The following CENPF variants were observed in gnomAD, a reference collection of about 807,000 sequenced individuals.
CENPF encodes AH antigen.
CENPF carries 214 observed loss-of-function variants against 307.3 expected under a neutral mutation model. That is an observed-to-expected ratio of 0.70 (90% CI 0.62 to 0.78). CENPF has a LOEUF of 0.78. Ranked by LOEUF, CENPF falls within the 30% of genes least tolerant of loss-of-function variation. The pLI is 0.00. For missense variants in CENPF, 3,401 were observed against 3,483.9 expected (o/e 0.98, Z 0.60); for synonymous variants, 1,259 against 1,270.6 (o/e 0.99, Z 0.19).
intron 7 of CENPF, among the ~76,000 whole-genome samples, chr1:214,626,008 C>T (rs554859254): frequency 2.0e-5 from 3 of 152,012 alleles, no homozygotes; most frequent in African/African-American, 4.8e-5. Context: ...TTTATATATA[C>T]GTGTGTGTGT....
At chr1:214,650,117 A>G (rs1257171159) in intron 14 of CENPF, among the ~76,000 whole-genome samples, 1 of 152,140 alleles carries the variant, frequency 6.6e-6, no homozygotes, top group Non-Finnish European at 1.5e-5. Context: ...CCTAATTTAG[A>G]TAGGGTGGTC....
chr1:214,622,593 A>C (rs565075771), intron 7 of CENPF, among the ~76,000 whole-genome samples: 14 of 152,304 alleles, frequency 9.2e-5, no homozygotes, highest in Non-Finnish European at 1.6e-4. Context: ...TAAAATAGGC[A>C]CTTAATGGCA....
At chr1:214,608,349 G>T in intron 1 of CENPF, 1 of 1,610,446 alleles carries the variant, frequency 6.2e-7, no homozygotes, top group Non-Finnish European at 8.5e-7. Context: ...CGTCGATGTC[G>T]GCATAGAGGT....
At chr1:214,632,802 C>T (rs1021009941) in intron 10 of CENPF, among the ~76,000 whole-genome samples, 200 bp downstream of exon 10, 2 of 152,124 alleles carry the variant, frequency 1.3e-5, no homozygotes, top group Admixed American at 6.6e-5. Context: ...ACTCTCTATT[C>T]TGTATATAAT....
Position 214,641,936 on chromosome 1 carries a change from G to A in CENPF, c.3598G>A (p.Glu1200Lys). The A allele has an allele frequency of 1.3e-6, 2 of 1,588,312 alleles. No individual in the cohort carries two copies. Among genetic ancestry groups the A allele is most frequent in the African/African-American group, 2.7e-5 (2 of 73,280 alleles). The change falls in exon 12 of 20, where the codon GAA becomes AAA. Residue 1200 changes from glutamate to lysine, a missense_variant. Transcript: ENST00000366955. ...FKPQMDLEVK[E>K]ISLDSYNAQL... is the part of the protein sequence containing the mutation. ...ACCTCAGATGGATCTTGAAGTTAAA[G>A]AAATTTCTCTAGATAGTTATAATGC...
In CENPF at chr1:214,641,745, A is replaced by G. The variant is rs1222691983; in HGVS notation, c.3407A>G (p.Lys1136Arg). The G allele has an allele frequency of 6.3e-7, 1 of 1,582,398 alleles. No homozygotes were observed. The part of the protein sequence containing the change: ...GGLKQEIMTL[K>R]EEQNKMQKEV... ...TTAAAGCAAGAAATCATGACTTTAAAGGAAGAACAAAACAAAATGCAAAAG... is the reference window on the plus strand; with the variant it reads ...TTAAAGCAAGAAATCATGACTTTAAGGGAAGAACAAAACAAAATGCAAAAG... Residue 1136 changes from lysine to arginine, a missense_variant, in exon 12 of 20, where the codon AAG becomes AGG. Transcript: ENST00000366955.
chr1:214,618,991 G>A (rs1657433130), intron 4 of CENPF, 138 bp from the exon 5 acceptor site: 4 of 593,718 alleles, frequency 6.7e-6, no homozygotes, highest in Non-Finnish European at 1.2e-5. Flanking sequence ...TTGATCAATA[G>A]TTTGATCTAT....
At chr1:214,643,425 A>G in intron 12 of CENPF, 101 bp downstream of exon 12, 2 of 1,102,134 alleles carry the variant, frequency 1.8e-6, no homozygotes, top group Non-Finnish European at 2.4e-6. Context: ...CTAAGTTAAA[A>G]TATTTTTAGG....
chr1:214,642,671 G>A lies in CENPF; in HGVS notation c.4333G>A (p.Glu1445Lys), dbSNP rs770693013. The part of the protein sequence containing the change: ...LQTYVDSLKA[E>K]NLVLSTNLRN... Reference sequence around the variant, plus strand: ...GACCTATGTTGACTCATTAAAGGCCGAAAATTTGGTCTTGTCAACGAATCT... The same window carrying A: ...GACCTATGTTGACTCATTAAAGGCCAAAAATTTGGTCTTGTCAACGAATCT... Residue 1445 changes from glutamate (E) to lysine (K), a missense_variant, in exon 12 of 20, where the codon GAA becomes AAA. Glu to Lys is a moderately conservative substitution (Grantham distance 56). Transcript: ENST00000366955. 8.1e-6 allele frequency: 13 copies of A among 1,613,978 alleles called. No homozygotes were observed. The highest frequency in any genetic ancestry group is 1.7e-5 in the Admixed American group (1 of 59,980).
At chr1:214,623,000 C>A (rs926454564) in intron 7 of CENPF, among the ~76,000 whole-genome samples, 1 of 152,168 alleles carries the variant, frequency 6.6e-6, no homozygotes, top group African/African-American at 2.4e-5. Context: ...TCACTTGAGG[C>A]TAGGAGATCA....
At chr1:214,612,253 G>A (rs927362200) in intron 1 of CENPF, among the ~76,000 whole-genome samples, 2 of 152,122 alleles carry the variant, frequency 1.3e-5, no homozygotes, top group Admixed American at 6.6e-5. Flanking sequence ...CTTTAGTTAT[G>A]CTTATGTGAT....
chr1:214,647,746 T>C (rs1323712947), intron 13 of CENPF, among the ~76,000 whole-genome samples: 1 of 152,198 alleles, frequency 6.6e-6, no homozygotes, highest in Non-Finnish European at 1.5e-5. Flanking sequence ...CCATATCCAG[T>C]TGAGACTCAC....
intron 7 of CENPF, among the ~76,000 whole-genome samples, chr1:214,628,203 A>G (rs1657706379): frequency 6.6e-6 from 1 of 152,194 alleles, no homozygotes; most frequent in African/African-American, 2.4e-5. Context: ...CTGATAATAG[A>G]ATGTTGTTTA....
chr1:214,640,786 A>G lies in CENPF; in HGVS notation c.2448A>G (p.Leu816=). 6.2e-7 allele frequency: 1 copy of G among 1,611,072 alleles called. No homozygotes were observed. Among genetic ancestry groups the G allele is most frequent in the Non-Finnish European group, 8.5e-7 (1 of 1,179,058 alleles). ...SMPSERSECR[L]EADQSPKNSA... ...CTTCAGAGAGGAGTGAATGTCGTTT[A>G]GAAGCAGACCAAAGTCCGAAAAATT... The change falls in exon 12 of 20, where the codon TTA becomes TTG. Residue 816 remains leucine (L), a synonymous_variant. Coordinates refer to ENST00000366955, the MANE Select transcript of CENPF (RefSeq NM_016343.4).
chr1:214,607,722 C>G (rs1657075819), intron 1 of CENPF, among the ~76,000 whole-genome samples: 1 of 152,172 alleles, frequency 6.6e-6, no homozygotes, highest in Non-Finnish European at 1.5e-5. Context: ...GGGCGGTGCT[C>G]AAACACCAGT....
At chr1:214,654,613 A>G (rs915299179) in intron 16 of CENPF, among the ~76,000 whole-genome samples, 5 of 152,052 alleles carry the variant, frequency 3.3e-5, no homozygotes, top group African/African-American at 1.2e-4. Flanking sequence ...ACACCTTTAT[A>G]TCTCTTCAGG....
At chr1:214,609,066 G>A (rs1657125737) in intron 1 of CENPF, among the ~76,000 whole-genome samples, 1 of 151,612 alleles carries the variant, frequency 6.6e-6, no homozygotes, top group African/African-American at 2.4e-5. Flanking sequence ...TCCATGTCAC[G>A]CCGTGGGAAG....
At position 214,645,189 on chromosome 1, in the gene CENPF, T is replaced by G. The variant is rs1398121454; in HGVS notation, c.5619T>G (p.His1873Gln). ...SEGLNSDLEM[H>Q]ADKSSREDIG... ...GCCTCAATTCTGATTTAGAAATGCA[T>G]GCAGATAAATCATCACGTGAAGATA... Residue 1873 changes from histidine to glutamine, a missense_variant, in exon 13 of 20, where the codon CAT becomes CAG. His to Gln is a conservative substitution (Grantham distance 24). Coordinates refer to ENST00000366955, the MANE Select transcript of CENPF (RefSeq NM_016343.4). 5 of 1,614,018 alleles carry G rather than the reference T, an allele frequency of 3.1e-6. No individual in the cohort carries two copies. The highest frequency in any genetic ancestry group is 4.2e-6 in the Non-Finnish European group (5 of 1,179,978).
In CENPF at chr1:214,647,123, A is replaced by T. The variant is rs1340263501; in HGVS notation, c.7553A>T (p.Glu2518Val). 1.9e-6 allele frequency: 3 copies of T among 1,613,856 alleles called. No individual in the cohort carries two copies. Among genetic ancestry groups the T allele is most frequent in the Admixed American group, 3.3e-5 (2 of 59,986 alleles). The change falls in exon 13 of 20, where the codon GAG becomes GTG. Residue 2518 changes from glutamate (E) to valine (V), a missense_variant. Glu to Val is a moderately radical substitution (Grantham distance 121, BLOSUM62 -2). Coordinates refer to ENST00000366955, the MANE Select transcript of CENPF (RefSeq NM_016343.4). ...QEVEDGKQKL[E>V]KKDEEISRLK... Reference sequence around the variant, plus strand: ...GTAGAAGATGGCAAGCAGAAACTGGAGAAGAAGGATGAAGAAATCAGTAGA... The same window carrying T: ...GTAGAAGATGGCAAGCAGAAACTGGTGAAGAAGGATGAAGAAATCAGTAGA...
Sources: allele counts gnomAD v4.1 joint callset (sites outside exome capture counted in the v4.1 genomes callset), GRCh38; gene constraint gnomAD v4.1.1; transcripts MANE v1.5; gene names NCBI Gene and HGNC (gene_info 2026-07-23, HGNC 2026-07-21).